SPRYD7: variants seen among roughly 807,000 people sequenced by gnomAD.
SPRYD7 encodes the protein SPRY domain-containing protein 7.
SPRYD7 carries 14 observed loss-of-function variants against 23.8 expected under a neutral mutation model. That is an observed-to-expected ratio of 0.59 (90% CI 0.39 to 0.92). The LOEUF (loss-of-function observed/expected upper bound fraction) is 0.92. Among genes scored for constraint, SPRYD7 ranks in the 40% least tolerant of loss-of-function variants. SPRYD7 has a pLI of 0.00. For missense variants in SPRYD7, 194 were observed against 241.7 expected (o/e 0.80, Z 1.31); for synonymous variants, 75 against 84.9 (o/e 0.88, Z 0.64).
intron 4 of SPRYD7, among the ~76,000 whole-genome samples, chr13:49,918,297 C>A (rs1483512207): frequency 6.6e-6 from 1 of 152,126 alleles, no homozygotes; most frequent in Admixed American, 6.5e-5. Flanking sequence ...CTCCTGGACT[C>A]GAGCAACTCT....
intron 2 of SPRYD7, among the ~76,000 whole-genome samples, chr13:49,929,806 T>C (rs955503611): frequency 5.3e-5 from 8 of 151,452 alleles, no homozygotes; most frequent in Non-Finnish European, 8.8e-5. Context: ...TTTTTTTTTT[T>C]TGAGACGGAG....
At chr13:49,928,209 C>G (rs1369628611) in intron 2 of SPRYD7, 124 bp from the exon 3 acceptor site, 3 of 810,914 alleles carry the variant, frequency 3.7e-6, no homozygotes, top group South Asian at 2.4e-5. Context: ...TTCTATTACT[C>G]TTTTTAAAAA....
intron 4 of SPRYD7, among the ~76,000 whole-genome samples, chr13:49,919,807 T>TAAAAA (rs76372615): frequency 1.3e-4 from 18 of 135,654 alleles, no homozygotes; most frequent in African/African-American, 4.1e-4. Flanking sequence ...TATGTTTTTC[T>TAAAAA]AAAAAAAAAA....
At chr13:49,917,574 C>T (rs1308902826) in intron 4 of SPRYD7, among the ~76,000 whole-genome samples, 2 of 152,144 alleles carry the variant, frequency 1.3e-5, no homozygotes, top group African/African-American at 4.8e-5. Context: ...TAGGATCAGG[C>T]TATTAAAACA....
intron 2 of SPRYD7, among the ~76,000 whole-genome samples, chr13:49,928,989 C>A (rs1220483352): frequency 1.3e-5 from 2 of 152,076 alleles, no homozygotes; most frequent in Non-Finnish European, 2.9e-5. Flanking sequence ...TTTAAGCCAC[C>A]ACACCCAGCT....
intron 1 of SPRYD7, among the ~76,000 whole-genome samples, chr13:49,934,555 CAAAAAA>C (rs889803067): frequency 0.052 from 2,804 of 54,350 alleles, 47 homozygotes; most frequent in African/African-American, 0.1. Flanking sequence ...AACTCCGTCT[CAAAAAA>C]AAAAAAAAAA....
At chr13:49,921,655 C>G (rs1455294082) in intron 3 of SPRYD7, 75 bp from the exon 4 acceptor site, 3 of 923,208 alleles carry the variant, frequency 3.2e-6, no homozygotes, top group Non-Finnish European at 3.5e-6. Flanking sequence ...TATGGAAACA[C>G]AAAAAGCTAA....
intron 1 of SPRYD7, 25 bp from the exon 2 acceptor site, chr13:49,931,159 G>T: frequency 7.2e-7 from 1 of 1,391,892 alleles, no homozygotes; most frequent in Non-Finnish European, 1.0e-6. Context: ...CAGACACTAT[G>T]TAAAGTTTTG....
At chr13:49,931,425 C>G (rs1955947847) in intron 1 of SPRYD7, among the ~76,000 whole-genome samples, 1 of 152,114 alleles carries the variant, frequency 6.6e-6, no homozygotes, top group Non-Finnish European at 1.5e-5. Context: ...CGTGATCCGC[C>G]CACCTTGGCC....
chr13:49,925,135 G>A (rs1162105521), intron 3 of SPRYD7, among the ~76,000 whole-genome samples: 1 of 151,958 alleles, frequency 6.6e-6, no homozygotes, highest in African/African-American at 2.4e-5. Flanking sequence ...GCTCATGCCT[G>A]TAATCCCATC....
At chr13:49,931,337 A>G (rs893812035) in intron 1 of SPRYD7, among the ~76,000 whole-genome samples, 5 of 151,998 alleles carry the variant, frequency 3.3e-5, no homozygotes, top group African/African-American at 4.8e-5. Flanking sequence ...GCACCACCAC[A>G]CCTGGCTAAA....
chr13:49,924,694 A>T (rs527870800), intron 3 of SPRYD7, among the ~76,000 whole-genome samples: 61 of 151,906 alleles, frequency 4.0e-4, no homozygotes, highest in African/African-American at 1.4e-3. Flanking sequence ...CTACTACCGT[A>T]CGGGCGTGGT....
intron 1 of SPRYD7, among the ~76,000 whole-genome samples, chr13:49,934,555 C>CAAAAAA (rs889803067): frequency 4.5e-4 from 24 of 53,880 alleles, no homozygotes; most frequent in African/African-American, 6.5e-4. Context: ...AACTCCGTCT[C>CAAAAAA]AAAAAAAAAA....
At chr13:49,933,192 G>A (rs1871457899) in intron 1 of SPRYD7, among the ~76,000 whole-genome samples, 2 of 152,208 alleles carry the variant, frequency 1.3e-5, no homozygotes, top group African/African-American at 4.8e-5. Flanking sequence ...TTTGATCTAG[G>A]TTAAGGCAAT....
At position 49,931,150 on chromosome 13, in the gene SPRYD7, A is replaced by G; in HGVS notation, c.107-16T>C. 1 of 1,453,242 alleles carries G rather than the reference A, an allele frequency of 6.9e-7. No homozygotes were observed. The highest frequency in any genetic ancestry group is 9.6e-7 in the Non-Finnish European group (1 of 1,042,720). The allele number at this position is 1,453,242 out of a possible 1,614,324, so 90.0% of individuals were successfully genotyped here. A position where few individuals can be genotyped will look rare whatever the true frequency, so the allele number is the denominator to read the frequency against. On this transcript the variant is annotated splice_polypyrimidine_tract_variant and intron_variant, in intron 1 of 4. Transcript: ENST00000361840. ...ACATCTGTTCCTAAACAAAAAATGC[A>G]GACACTATGTAAAGTTTTGTATTTT...
chr13:49,936,128 A>G lies in SPRYD7; in HGVS notation c.106+2T>C. 1.3e-6 allele frequency: 2 copies of G among 1,592,788 alleles called. No individual in the cohort carries two copies. The highest frequency in any genetic ancestry group is 1.7e-6 in the Non-Finnish European group (2 of 1,171,266). On this transcript the variant is annotated splice_donor_variant, in intron 1 of 4. Transcript: ENST00000361840. LOFTEE classifies it high-confidence loss of function. The stretch of plus-strand genomic sequence containing the variant: ...TGGGTCTGGGGAAGGGAGGGCCCTT[A>G]CCCATGTGCTGCGTGTCCAGCTGCA...
chr13:49,929,225 G>A (rs997214413), intron 2 of SPRYD7, among the ~76,000 whole-genome samples: 5 of 152,180 alleles, frequency 3.3e-5, no homozygotes, highest in African/African-American at 7.2e-5. Flanking sequence ...CAGGAGTACT[G>A]CTTCAGCCTA....
chr13:49,934,574 A>G (rs1021738811), intron 1 of SPRYD7, among the ~76,000 whole-genome samples: 4 of 151,306 alleles, frequency 2.6e-5, no homozygotes, highest in Admixed American at 6.6e-5. Flanking sequence ...AAAAAAAAAA[A>G]AAAGAAAAGA....
Position 49,936,163 on chromosome 13 carries a change from T to C in SPRYD7, c.73A>G (p.Met25Val), listed in dbSNP as rs770576267. Residue 25 changes from methionine (M) to valine (V), a missense_variant, in exon 1 of 5, where the codon ATG becomes GTG. Met to Val is a conservative substitution (Grantham distance 21). Transcript: ENST00000361840. The part of the protein sequence containing the change: ...GGTGHIPLKE[M>V]PAVQLDTQHM... ...TGCGTGTCCAGCTGCACGGCCGGCA[T>C]CTCCTTCAGAGGGATGTGGCCAGTC... 3.1e-6 allele frequency: 5 copies of C among 1,608,084 alleles called. No homozygotes were observed. The African/African-American group carries it at 6.7e-5, about 22-fold the overall frequency.
Sources: gnomAD v4.1 joint callset for allele counts (sites outside exome capture counted in the v4.1 genomes callset) on GRCh38, gnomAD v4.1.1 for gene constraint, MANE v1.5 for transcripts, NCBI Gene and HGNC (gene_info 2026-07-23, HGNC 2026-07-21) for gene names.